Variants in RNF220 observed in about 807,000 individuals in gnomAD.
RNF220 encodes ring finger protein 220.
RNF220 carries 7 observed loss-of-function variants against 67.1 expected under a neutral mutation model. The ratio of observed to expected loss-of-function variants is 0.10; its 90% CI spans 0.06 to 0.20. RNF220 has a LOEUF of 0.20. Among genes scored for constraint, RNF220 ranks in the 10% least tolerant of loss-of-function variants. RNF220 has a pLI of 1.00. For missense variants in RNF220, 565 were observed against 740.3 expected (o/e 0.76, Z 2.75); for synonymous variants, 270 against 283.2 (o/e 0.95, Z 0.47).
chr1:44,534,985 G>C (rs1296397337), intron 2 of RNF220, among the ~76,000 whole-genome samples: 2 of 152,146 alleles, frequency 1.3e-5, no homozygotes, highest in Non-Finnish European at 2.9e-5. Flanking sequence ...GAGTTGTCCA[G>C]ACTCGTTGTG....
At chr1:44,467,537 C>G (rs1488369755) in intron 2 of RNF220, among the ~76,000 whole-genome samples, 1 of 152,188 alleles carries the variant, frequency 6.6e-6, no homozygotes, top group African/African-American at 2.4e-5. Flanking sequence ...CTGCAGCTTC[C>G]TCACATCTCT....
intron 2 of RNF220, among the ~76,000 whole-genome samples, chr1:44,576,487 G>A (rs978815215): frequency 2.0e-5 from 3 of 152,148 alleles, no homozygotes; most frequent in African/African-American, 7.2e-5. Flanking sequence ...TGGGCATGTA[G>A]GATTCCCTCC....
intron 2 of RNF220, among the ~76,000 whole-genome samples, chr1:44,595,726 G>T (rs1474946080): frequency 6.6e-6 from 1 of 152,014 alleles, no homozygotes; most frequent in East Asian, 1.9e-4. Context: ...GAGGAACAGA[G>T]ATTTTTATTT....
intron 2 of RNF220, among the ~76,000 whole-genome samples, chr1:44,607,034 G>T (rs1483262339): frequency 6.6e-6 from 1 of 152,148 alleles, no homozygotes; most frequent in Non-Finnish European, 1.5e-5. Flanking sequence ...CCTAGAGGTT[G>T]CTCAAGCGAG....
chr1:44,483,688 C>T lies in RNF220; in HGVS notation c.625+70966C>T, dbSNP rs577180755. On this transcript the variant is annotated intron_variant, in intron 2 of 14. Coordinates refer to ENST00000361799, the MANE Select transcript of RNF220 (RefSeq NM_018150.4). ...AGGAGCTATGAGAACATAGCGGTGG[C>T]AGGCTAGATAAGGGGTCAGATCAGA... Among the ~76,000 whole-genome samples the T allele has an allele frequency of 2.0e-5, 3 of 152,270 alleles. No homozygotes were observed. The South Asian group carries it at 6.2e-4, about 32-fold the overall frequency.
chr1:44,608,209 GC>G (rs1451063965), intron 2 of RNF220, among the ~76,000 whole-genome samples: 6 of 152,120 alleles, frequency 3.9e-5, no homozygotes, highest in African/African-American at 1.4e-4. Flanking sequence ...ACAGGTTTGA[GC>G]CACCACACCG....
intron 2 of RNF220, among the ~76,000 whole-genome samples, chr1:44,511,519 A>G (rs1019597765): frequency 6.6e-5 from 10 of 152,208 alleles, no homozygotes; most frequent in Admixed American, 3.3e-4. Flanking sequence ...TTAAGAAGAA[A>G]AATGACAAAA....
At chr1:44,481,506 G>A (rs148162675) in intron 2 of RNF220, among the ~76,000 whole-genome samples, 1 of 152,274 alleles carries the variant, frequency 6.6e-6, no homozygotes, top group African/African-American at 2.4e-5. Flanking sequence ...TAGACCCAGA[G>A]AAGGGAACAA....
chr1:44,632,019 G>A (rs1406494028), intron 5 of RNF220: 1 of 1,042,642 alleles, frequency 9.6e-7, no homozygotes, highest in Non-Finnish European at 1.2e-6. Flanking sequence ...CGCCGCCGCC[G>A]GGCAGCCACG....
At chr1:44,432,896 T>C (rs1268336517) in intron 2 of RNF220, among the ~76,000 whole-genome samples, 1 of 84,770 alleles carries the variant, frequency 1.2e-5, no homozygotes, top group Non-Finnish European at 2.6e-5. Context: ...TCAAATTGGC[T>C]TTTCTTTTTT....
At chr1:44,551,410 C>T (rs1257127027) in intron 2 of RNF220, among the ~76,000 whole-genome samples, 1 of 46,132 alleles carries the variant, frequency 2.2e-5, no homozygotes, top group African/African-American at 3.6e-5. Flanking sequence ...CCACCGTGCC[C>T]GGCCATTTTT....
chr1:44,429,838 A>G (rs1188905328), intron 2 of RNF220, among the ~76,000 whole-genome samples: 1 of 152,192 alleles, frequency 6.6e-6, no homozygotes, highest in Non-Finnish European at 1.5e-5. Context: ...TTTAAATACA[A>G]ATATCCTTTG....
rs1268872224 is a variant in RNF220, at chr1:44,606,467, G to T, written c.626-7698G>T. 2.0e-5 allele frequency among the ~76,000 whole-genome samples: 3 copies of T among 152,208 alleles called. No homozygotes were observed. The highest frequency in any genetic ancestry group is 2.9e-5 in the Non-Finnish European group (2 of 68,024). ...AGGTGGATGAACTGGAGGGTAGATG[G>T]TTGTGCTATGTATAAGATGAGTGGA... On this transcript the variant is annotated intron_variant, in intron 2 of 14. Coordinates refer to ENST00000361799, the MANE Select transcript of RNF220 (RefSeq NM_018150.4). The surrounding 1 kb of genome is among the most constrained non-coding windows in gnomAD (Gnocchi z 4.2).
intron 2 of RNF220, among the ~76,000 whole-genome samples, chr1:44,580,628 TGGCCTCGG>T (rs1665203682): frequency 6.6e-6 from 1 of 152,208 alleles, no homozygotes; most frequent in Non-Finnish European, 1.5e-5. Flanking sequence ...TGGAGCCTCC[TGGCCTCGG>T]AGGTGTTTGG....
intron 2 of RNF220, among the ~76,000 whole-genome samples, chr1:44,455,263 A>G (rs973676504): frequency 6.6e-6 from 1 of 152,210 alleles, no homozygotes; most frequent in Non-Finnish European, 1.5e-5. Context: ...ACACACCAAA[A>G]TGCCTCAAGC....
At chr1:44,419,508 T>G (rs968857675) in intron 2 of RNF220, 3 of 152,358 alleles carry the variant, frequency 2.0e-5, no homozygotes, top group African/African-American at 7.2e-5. Context: ...CACACTACTT[T>G]AGTTTTAGTG....
intron 2 of RNF220, among the ~76,000 whole-genome samples, chr1:44,568,052 T>C (rs1664155121): frequency 6.6e-6 from 1 of 152,216 alleles, no homozygotes; most frequent in Non-Finnish European, 1.5e-5. Context: ...GAATCAGCGC[T>C]GTGTCACCAC....
At chr1:44,596,283 T>C (rs1169771425) in intron 2 of RNF220, among the ~76,000 whole-genome samples, 3 of 151,840 alleles carry the variant, frequency 2.0e-5, no homozygotes, top group Admixed American at 2.0e-4. Flanking sequence ...GAGAAGGGGC[T>C]GGGTGCGGTG....
At chr1:44,496,818 C>T (rs1216680365) in intron 2 of RNF220, among the ~76,000 whole-genome samples, 1 of 152,216 alleles carries the variant, frequency 6.6e-6, no homozygotes. Context: ...CTTAATCAAG[C>T]CAGCTCACTT....
Sources: gnomAD v4.1 joint callset for allele counts (sites outside exome capture counted in the v4.1 genomes callset) on GRCh38, gnomAD v4.1.1 for gene constraint, Gnocchi (gnomAD v3.1) non-coding constraint, MANE v1.5 for transcripts, NCBI Gene and HGNC (gene_info 2026-07-23, HGNC 2026-07-21) for gene names.